EPS15L1: variants seen among roughly 807,000 people sequenced by gnomAD.
The protein encoded by EPS15L1 is epidermal growth factor receptor substrate 15-like 1.
A neutral mutation model predicts 117.1 loss-of-function variants in EPS15L1; 43 were observed. The ratio of observed to expected loss-of-function variants is 0.37; its 90% CI spans 0.29 to 0.47. The LOEUF (loss-of-function observed/expected upper bound fraction) is 0.47. EPS15L1 is among the 20% of genes least tolerant of loss of function. EPS15L1 has a pLI of 0.99. For synonymous variants in EPS15L1, 459 were observed against 470.5 expected, an observed-to-expected ratio of 0.98 and a Z score of 0.32; for missense variants, 981 against 1,164.0, an observed-to-expected ratio of 0.84 and a Z score of 2.29.
intron 8 of EPS15L1, among the ~76,000 whole-genome samples, chr19:16,426,399 C>T (rs955025605): frequency 6.6e-6 from 1 of 152,056 alleles, no homozygotes; most frequent in Non-Finnish European, 1.5e-5. Context: ...CTTTGGAGGC[C>T]GAGACGGGCA....
chr19:16,407,983 C>T (rs1280935487), intron 13 of EPS15L1, among the ~76,000 whole-genome samples: 7 of 152,134 alleles, frequency 4.6e-5, no homozygotes, highest in African/African-American at 1.7e-4. Flanking sequence ...GGTGATAACA[C>T]AGAATAACTG....
chr19:16,391,505 G>A (rs572798983), intron 19 of EPS15L1, among the ~76,000 whole-genome samples: 3 of 152,152 alleles, frequency 2.0e-5, no homozygotes, highest in Admixed American at 2.0e-4. Context: ...CTGAGAAGGA[G>A]GGTGAGTGCC....
chr19:16,467,549 A>G (rs1452354178), intron 1 of EPS15L1, among the ~76,000 whole-genome samples: 1 of 152,138 alleles, frequency 6.6e-6, no homozygotes, highest in Non-Finnish European at 1.5e-5. Flanking sequence ...AACAAAAAAA[A>G]AACAGGCCAG....
In EPS15L1 at chr19:16,371,651, C is replaced by T. The variant is rs1488662869; in HGVS notation, c.2380+5471G>A. 2.0e-5 allele frequency among the ~76,000 whole-genome samples: 3 copies of T among 152,156 alleles called. No homozygotes were observed. Among genetic ancestry groups the T allele is most frequent in the African/African-American group, 4.8e-5 (2 of 41,444 alleles). On this transcript the variant is annotated intron_variant, in intron 22 of 23. Coordinates refer to ENST00000455140, the MANE Select transcript of EPS15L1 (RefSeq NM_001258374.3). This position sits in a 1 kb window ranked among gnomAD's most constrained non-coding sequence, Gnocchi z 4.7. ...CGGGCGCTGCAGGCAGGAACCGCAA[C>T]GCAGGGCCGCGCTGGCAGGAAGTGG...
At chr19:16,451,335 T>C (rs1427365214) in intron 1 of EPS15L1, among the ~76,000 whole-genome samples, 2 of 152,124 alleles carry the variant, frequency 1.3e-5, no homozygotes, top group African/African-American at 2.4e-5. Flanking sequence ...GGAAACCTAA[T>C]GACCAAATGC....
intron 13 of EPS15L1, among the ~76,000 whole-genome samples, chr19:16,411,390 G>T (rs1332406689): frequency 2.0e-5 from 3 of 152,210 alleles, no homozygotes; most frequent in Non-Finnish European, 4.4e-5. Context: ...CACTGAAAGA[G>T]AACAGTTAAC....
At position 16,355,481 on chromosome 19, in the gene EPS15L1, G is replaced by C. The variant is rs2091968566; in HGVS notation, c.*224C>G. On this transcript the variant is annotated 3_prime_UTR_variant, in exon 24 of 24. Transcript: ENST00000455140. ...CAGCCCCGGGGGGGATGGCACAGTG[G>C]AGAGACGGACCTGCAGAAGTGGTGG... is the stretch of plus-strand genomic sequence containing the variant. 3.6e-6 allele frequency: 2 copies of C among 551,564 alleles called. No homozygotes were observed. Among genetic ancestry groups the C allele is most frequent in the Middle Eastern group, 4.9e-4 (1 of 2,026 alleles). 34.2% of individuals were successfully genotyped at this position (551,564 alleles called of 1,614,324 possible).
intron 9 of EPS15L1, among the ~76,000 whole-genome samples, chr19:16,422,092 T>C (rs2092819901): frequency 6.6e-6 from 1 of 152,170 alleles, no homozygotes; most frequent in African/African-American, 2.4e-5. Flanking sequence ...CCAACATTCA[T>C]GCAGCCCCAA....
At chr19:16,400,149 C>A (rs1418959920) in intron 16 of EPS15L1, among the ~76,000 whole-genome samples, 2 of 151,970 alleles carry the variant, frequency 1.3e-5, no homozygotes, top group Non-Finnish European at 2.9e-5. Flanking sequence ...CCAGCCTGGG[C>A]AACACTGTGA....
Position 16,442,218 on chromosome 19 carries a change from A to G in EPS15L1, c.35T>C (p.Ile12Thr), listed in dbSNP as rs2093038943. 1 of 1,613,324 alleles carries G rather than the reference A, an allele frequency of 6.2e-7. No homozygotes were observed. The highest frequency in any genetic ancestry group is 8.5e-7 in the Non-Finnish European group (1 of 1,179,414). Reference sequence around the variant, plus strand: ...TTCATACAACGAATTTCCAGTGGGAATCTGTAAATGAAACCACAGATATTG... The same window carrying G: ...TTCATACAACGAATTTCCAGTGGGAGTCTGTAAATGAAACCACAGATATTG... Reference protein sequence around the residue: ...AAPLIPLSQQIPTGNSLYESY... With the variant: ...AAPLIPLSQQTPTGNSLYESY... Residue 12 changes from isoleucine (I) to threonine (T), a missense_variant and splice_region_variant, in exon 2 of 24, where the codon ATT (isoleucine) becomes ACT (threonine). By Grantham distance (89) the Ile-to-Thr change is moderately conservative (BLOSUM62 -1). Coordinates refer to ENST00000455140, the MANE Select transcript of EPS15L1 (RefSeq NM_001258374.3).
Position 16,457,867 on chromosome 19 carries a change from G to T in EPS15L1, c.33+14046C>A, listed in dbSNP as rs10401355. Reference sequence around the variant, plus strand: ...TGGGAGAGCAGTCACCCAAGACTGGGGGGGAGGGGGGAACACCGAGAGGGG... The same window carrying T: ...TGGGAGAGCAGTCACCCAAGACTGGTGGGGAGGGGGGAACACCGAGAGGGG... On this transcript the variant is annotated intron_variant, in intron 1 of 23. Transcript: ENST00000455140. Among the ~76,000 whole-genome samples, 285 of 151,982 alleles carry T rather than the reference G, an allele frequency of 1.9e-3. 1 individual carries two copies. Among genetic ancestry groups the T allele is most frequent in the African/African-American group, 6.4e-3 (266 of 41,448 alleles).
intron 21 of EPS15L1, among the ~76,000 whole-genome samples, chr19:16,380,967 C>T (rs115492068): frequency 6.6e-6 from 1 of 152,218 alleles, no homozygotes; most frequent in Non-Finnish European, 1.5e-5. Context: ...CCAGTCAGAG[C>T]CACATCAGAG....
intron 16 of EPS15L1, among the ~76,000 whole-genome samples, chr19:16,400,349 ACAAAAACAAAAAAAAAAAAAAAC>A (rs1427666706): frequency 6.6e-6 from 1 of 151,140 alleles, no homozygotes; most frequent in Admixed American, 6.7e-5. Context: ...AAAAAAAAAA[ACAAAAACAAAAAAAAAAAAAAAC>A]CCCTGACTTT....
chr19:16,412,863 G>C (rs2092721225), intron 13 of EPS15L1: 2 of 578,510 alleles, frequency 3.5e-6, no homozygotes, highest in African/African-American at 3.7e-5. Flanking sequence ...GCAAGGCCGA[G>C]GATAAGGAGT....
chr19:16,432,761 ACT>A (rs1404855742), intron 7 of EPS15L1, among the ~76,000 whole-genome samples: 2 of 152,026 alleles, frequency 1.3e-5, no homozygotes, highest in East Asian at 1.9e-4. Flanking sequence ...ACAGAGCGAG[ACT>A]CTGTCTCACA....
At chr19:16,471,977 G>A (rs1326890393), upstream of EPS15L1, 2 of 1,267,206 alleles carry the variant, frequency 1.6e-6, no homozygotes, top group Non-Finnish European at 2.0e-6. The surrounding 1 kb of genome is among the most constrained non-coding windows in gnomAD (Gnocchi z 4.8). Flanking sequence ...GAGCGCCGGG[G>A]GAACGGGGGC....
At chr19:16,425,028 G>T in intron 9 of EPS15L1, 55 bp downstream of exon 9, 2 of 1,445,456 alleles carry the variant, frequency 1.4e-6, no homozygotes, top group Non-Finnish European at 1.9e-6. Flanking sequence ...AAGAACTCCC[G>T]AGAAACATCC....
chr19:16,451,252 G>C (rs1488341810), intron 1 of EPS15L1, among the ~76,000 whole-genome samples: 1 of 151,958 alleles, frequency 6.6e-6, no homozygotes, highest in African/African-American at 2.4e-5. Context: ...CGCCCGCCCA[G>C]ACTCTCCAAC....
At chr19:16,390,446 A>C (rs528394325) in intron 19 of EPS15L1, among the ~76,000 whole-genome samples, 19 of 152,302 alleles carry the variant, frequency 1.2e-4, no homozygotes, top group Admixed American at 2.6e-4. Flanking sequence ...AGACACTGGT[A>C]GGACTAAAAA....
Sources: allele counts gnomAD v4.1 joint callset (sites outside exome capture counted in the v4.1 genomes callset), GRCh38; gene constraint gnomAD v4.1.1; non-coding constraint Gnocchi (gnomAD v3.1); transcripts MANE v1.5; gene names NCBI Gene and HGNC (gene_info 2026-07-23, HGNC 2026-07-21).